The following SNTA1 variants were observed in gnomAD, a reference collection of about 807,000 sequenced individuals.
The protein encoded by SNTA1 is syntrophin alpha 1.
SNTA1 carries 31 observed loss-of-function variants against 47.1 expected under a neutral mutation model. The ratio of observed to expected loss-of-function variants is 0.66; its 90% CI spans 0.49 to 0.89. The LOEUF (loss-of-function observed/expected upper bound fraction) is 0.89. SNTA1 is among the 40% of genes least tolerant of loss of function. The probability of loss-of-function intolerance (pLI) is 0.00; values close to 1 mark genes in which losing one functional copy is unlikely to be tolerated. For synonymous variants in SNTA1, 300 were observed against 313.6 expected, an observed-to-expected ratio of 0.96 and a Z score of 0.46; for missense variants, 575 against 693.0, an observed-to-expected ratio of 0.83 and a Z score of 1.91.
Position 33,443,640 on chromosome 20 carries a change from G to T in SNTA1, c.-20C>A. ...CGCCATCTTCGCCTCCGAGCCCCCG[G>T]GCCGCCGCGCTCGCCCTGTCCCGCT... On this transcript the variant is annotated 5_prime_UTR_variant, in exon 1 of 8. Transcript: ENST00000217381. The T allele has an allele frequency of 8.3e-7, 1 of 1,198,546 alleles. No individual in the cohort carries two copies. Among genetic ancestry groups the T allele is most frequent in the South Asian group, 3.1e-5 (1 of 32,454 alleles). 74.2% of individuals were successfully genotyped at this position (1,198,546 alleles called of 1,614,324 possible). A position where few individuals can be genotyped will look rare whatever the true frequency, so the allele number is the denominator to read the frequency against.
At chr20:33,423,276 TG>T (rs1990079976) in intron 2 of SNTA1, among the ~76,000 whole-genome samples, 2 of 151,890 alleles carry the variant, frequency 1.3e-5, no homozygotes, top group Non-Finnish European at 2.9e-5. Context: ...AGAGTGGGGG[TG>T]GGGTCCTGGG....
chr20:33,420,129 G>A (rs1045519889), intron 2 of SNTA1, among the ~76,000 whole-genome samples: 26 of 152,074 alleles, frequency 1.7e-4, no homozygotes, highest in Non-Finnish European at 5.9e-5. Context: ...TCGCCATGTT[G>A]GCCAGGCTGA....
At chr20:33,425,292 T>G (rs1449104005) in intron 2 of SNTA1, among the ~76,000 whole-genome samples, 1 of 151,514 alleles carries the variant, frequency 6.6e-6, no homozygotes, top group Non-Finnish European at 1.5e-5. Context: ...CGTAAGTAAA[T>G]AAAAGAAAAA....
chr20:33,423,892 GCT>G (rs1160724961), intron 2 of SNTA1, among the ~76,000 whole-genome samples: 1 of 152,176 alleles, frequency 6.6e-6, no homozygotes, highest in East Asian at 1.9e-4. Flanking sequence ...ACTTACCGCT[GCT>G]TGAAATTAGA....
intron 2 of SNTA1, among the ~76,000 whole-genome samples, chr20:33,428,386 G>C (rs1281158412): frequency 6.6e-6 from 1 of 151,742 alleles, no homozygotes; most frequent in Admixed American, 6.6e-5. Context: ...TCCAACCTGG[G>C]CAACAGAGTG....
chr20:33,438,357 G>A (rs1242990587), intron 2 of SNTA1, among the ~76,000 whole-genome samples: 1 of 152,018 alleles, frequency 6.6e-6, no homozygotes. Flanking sequence ...GATGGGTCTT[G>A]GGGTTTTAAG....
In SNTA1 at chr20:33,408,545, G is replaced by A. The variant is rs763351253; in HGVS notation, c.1480C>T (p.Leu494=). The A allele has an allele frequency of 2.5e-6, 4 of 1,614,066 alleles. No individual in the cohort carries two copies. The highest frequency in any genetic ancestry group is 3.4e-6 in the Non-Finnish European group (4 of 1,180,024). Residue 494 remains leucine (L), a synonymous_variant, in exon 8 of 8, where the codon CTG becomes TTG. Transcript: ENST00000217381. ...CCGAGGCGGGTGACTTTGGCCGACA[G>A]GAAGGAGTGGATGATGAAGACTATG... The part of the protein sequence containing the change: ...KTIVFIIHSF[L]SAKVTRLGLL...
intron 3 of SNTA1, among the ~76,000 whole-genome samples, chr20:33,414,778 G>A (rs1007824833): frequency 2.6e-5 from 4 of 152,240 alleles, no homozygotes; most frequent in East Asian, 3.9e-4. Context: ...GAAGAAAACC[G>A]CCCATAATTA....
chr20:33,433,556 C>A (rs985195528), intron 2 of SNTA1, among the ~76,000 whole-genome samples: 2 of 152,088 alleles, frequency 1.3e-5, no homozygotes, highest in Admixed American at 6.6e-5. Context: ...CATGAGTCAC[C>A]GCGCCCAGCC....
intron 2 of SNTA1, among the ~76,000 whole-genome samples, chr20:33,433,845 CTGA>C (rs1330828914): frequency 2.0e-5 from 3 of 152,198 alleles, no homozygotes; most frequent in African/African-American, 7.2e-5. Context: ...CTGCAAACCC[CTGA>C]CCTAGTAGAA....
chr20:33,434,697 C>T (rs1341595149), intron 2 of SNTA1, among the ~76,000 whole-genome samples: 1 of 151,882 alleles, frequency 6.6e-6, no homozygotes, highest in Non-Finnish European at 1.5e-5. Flanking sequence ...CTGACGCTTA[C>T]ACTCTTTTTT....
At chr20:33,411,062 G>A (rs1272870293) in intron 5 of SNTA1, among the ~76,000 whole-genome samples, 1 of 152,130 alleles carries the variant, frequency 6.6e-6, no homozygotes, top group African/African-American at 2.4e-5. Flanking sequence ...CTCACTTGCT[G>A]TGTGGCCTTG....
chr20:33,417,368 G>A (rs759915713), intron 3 of SNTA1, among the ~76,000 whole-genome samples: 5 of 152,116 alleles, frequency 3.3e-5, no homozygotes, highest in Non-Finnish European at 7.3e-5. Flanking sequence ...CCAGCAGAGT[G>A]GGAAGAGACG....
intron 2 of SNTA1, among the ~76,000 whole-genome samples, chr20:33,433,263 CTTTTTTCTT>C (rs1266142348): frequency 1.4e-5 from 2 of 138,752 alleles, no homozygotes; most frequent in Admixed American, 1.4e-4. Context: ...TCGGGTTTTT[CTTTTTTCTT>C]TTTTTTTTGA....
At chr20:33,417,550 A>G (rs917815935) in intron 3 of SNTA1, among the ~76,000 whole-genome samples, 169 bp downstream of exon 3, 1 of 152,180 alleles carries the variant, frequency 6.6e-6, no homozygotes, top group Admixed American at 6.6e-5. Context: ...AAAGCACACC[A>G]TCATCTCCAT....
intron 2 of SNTA1, among the ~76,000 whole-genome samples, chr20:33,438,140 A>G (rs1222472389): frequency 1.3e-5 from 2 of 152,156 alleles, no homozygotes; most frequent in African/African-American, 4.8e-5. Flanking sequence ...GTCTCTACAA[A>G]AATATAAAAA....
intron 2 of SNTA1, among the ~76,000 whole-genome samples, chr20:33,430,030 A>G (rs1426286064): frequency 6.6e-6 from 1 of 152,136 alleles, no homozygotes; most frequent in South Asian, 2.1e-4. Context: ...ATTTTCTAAA[A>G]AATCTAGTTT....
In SNTA1 at chr20:33,412,400, G is replaced by A; in HGVS notation, c.936C>T (p.Thr312=). Residue 312 remains threonine, a synonymous_variant, in exon 5 of 8, where the codon ACC becomes ACT. Transcript: ENST00000217381. ...EQLPSGGTAP[T]LALLTEKELL... is the part of the protein sequence containing the mutation. ...GTTCCTTTTCAGTTAGCAGGGCCAG[G>A]GTGGGGGCTGTGCCCCCACTGGGCA... is the stretch of plus-strand genomic sequence containing the variant. 1 of 1,610,836 alleles carries A rather than the reference G, an allele frequency of 6.2e-7. No individual in the cohort carries two copies. The highest frequency in any genetic ancestry group is 1.1e-5 in the South Asian group (1 of 90,472).
intron 2 of SNTA1, among the ~76,000 whole-genome samples, chr20:33,423,337 C>G (rs1990081905): frequency 6.6e-6 from 1 of 152,216 alleles, no homozygotes; most frequent in South Asian, 2.1e-4. Context: ...CTCCTCCCCT[C>G]TCTGATTTCT....
Sources: allele counts gnomAD v4.1 joint callset (sites outside exome capture counted in the v4.1 genomes callset), GRCh38; gene constraint gnomAD v4.1.1; transcripts MANE v1.5; gene names NCBI Gene and HGNC (gene_info 2026-07-23, HGNC 2026-07-21).